EVA1A: variants seen among roughly 807,000 people sequenced by gnomAD.
EVA1A encodes the protein eva-1 homolog A, regulator of programmed cell death, also known as protein eva-1 homolog A.
Under a neutral mutation model 9.8 loss-of-function variants are expected in EVA1A, and 7 were observed. That is an observed-to-expected ratio of 0.71 (90% CI 0.41 to 1.34). The LOEUF (loss-of-function observed/expected upper bound fraction) is 1.34. EVA1A is among the 40% of genes most tolerant of loss of function. EVA1A has a pLI of 0.01. For synonymous variants in EVA1A, 90 were observed against 85.6 expected (o/e 1.05, Z -0.28); for missense variants, 206 against 205.9 (o/e 1.00, Z 0.00).
intron 1 of EVA1A, among the ~76,000 whole-genome samples, chr2:75,527,355 A>G (rs1479637141): frequency 1.3e-5 from 2 of 152,188 alleles, no homozygotes; most frequent in East Asian, 3.9e-4. Flanking sequence ...CCCTGGCAAT[A>G]TCAGTAAGGA....
Position 75,518,204 on chromosome 2 carries a change from C to T in EVA1A, c.-64G>A. The T allele has an allele frequency of 1.3e-6, 2 of 1,592,910 alleles. No individual in the cohort carries two copies. Among genetic ancestry groups the T allele is most frequent in the Non-Finnish European group, 8.5e-7 (1 of 1,171,524 alleles). On this transcript the variant is annotated 5_prime_UTR_variant, in exon 3 of 4. Transcript: ENST00000393913. ...AATCAACGTGGCCACTCTCCTTCTT[C>T]TCTTCTGTTTGGGAACATAAAGTGA...
rs781234792 is a variant in EVA1A at position 75,518,123 on chromosome 2, G to C, written c.18C>G (p.Ser6Arg). 3 of 1,613,992 alleles carry C rather than the reference G, an allele frequency of 1.9e-6. No homozygotes were observed. The East Asian group carries it at 6.7e-5, about 36-fold the overall frequency. MRLPL[S>R]HSPEHVEMAL... The stretch of plus-strand genomic sequence containing the variant: ...CCATCTCCACGTGCTCTGGGCTGTG[G>C]CTGAGGGGCAGCCTCATGGGACATC... The change falls in exon 3 of 4, where the codon AGC becomes AGG. Residue 6 changes from serine (S) to arginine (R), a missense_variant. By Grantham distance (110) the Ser-to-Arg change is moderately radical. Coordinates refer to ENST00000393913, the MANE Select transcript of EVA1A (RefSeq NM_001135032.2).
intron 1 of EVA1A, among the ~76,000 whole-genome samples, chr2:75,554,085 G>C (rs1341376472): frequency 6.6e-6 from 1 of 152,178 alleles, no homozygotes; most frequent in African/African-American, 2.4e-5. Context: ...GGTGCCCAGA[G>C]AAAGACAGCT....
At chr2:75,542,014 T>C (rs1439963979) in intron 1 of EVA1A, 1 of 152,202 alleles carries the variant, frequency 6.6e-6, no homozygotes, top group East Asian at 1.9e-4. Context: ...TGGTGGGAGA[T>C]GATTGAATCA....
chr2:75,493,755 A>G, intron 3 of EVA1A, 146 bp from the exon 4 acceptor site: 1 of 690,410 alleles, frequency 1.4e-6, no homozygotes, highest in Non-Finnish European at 2.2e-6. Flanking sequence ...ATATTTTATA[A>G]TGTATTCAAA....
At chr2:75,568,427 T>C (rs372929135) in intron 1 of EVA1A, among the ~76,000 whole-genome samples, 2 of 151,448 alleles carry the variant, frequency 1.3e-5, no homozygotes, top group East Asian at 3.9e-4. Context: ...ACCTTCAAGA[T>C]TCTGGACCCA....
intron 1 of EVA1A, among the ~76,000 whole-genome samples, chr2:75,535,295 C>CA (rs3081156): frequency 0.1 from 9,358 of 92,424 alleles, 489 homozygotes; most frequent in Middle Eastern, 0.22. Flanking sequence ...ATAGATATGG[C>CA]AAAAAAAAAA....
At chr2:75,505,301 G>C (rs1674576046) in intron 3 of EVA1A, among the ~76,000 whole-genome samples, 1 of 152,158 alleles carries the variant, frequency 6.6e-6, no homozygotes, top group Admixed American at 6.5e-5. Context: ...GCTATAATTA[G>C]TTATATAACC....
At chr2:75,508,153 T>C (rs546898442) in intron 3 of EVA1A, among the ~76,000 whole-genome samples, 9 of 152,302 alleles carry the variant, frequency 5.9e-5, no homozygotes, top group African/African-American at 1.9e-4. Context: ...AATAATTGCA[T>C]TAACTGCACA....
chr2:75,541,835 T>G (rs1676136500), intron 1 of EVA1A: 1 of 152,400 alleles, frequency 6.6e-6, no homozygotes, highest in Admixed American at 6.5e-5. Flanking sequence ...CTACCTCCTA[T>G]CCTTTCTAAC....
At chr2:75,533,245 C>A (rs1198264214) in intron 1 of EVA1A, among the ~76,000 whole-genome samples, 1 of 151,482 alleles carries the variant, frequency 6.6e-6, no homozygotes, top group Non-Finnish European at 1.5e-5. Flanking sequence ...GGCGTCCTAG[C>A]TATAGGGAAA....
At chr2:75,548,746 C>G (rs931260689) in intron 1 of EVA1A, among the ~76,000 whole-genome samples, 12 of 151,994 alleles carry the variant, frequency 7.9e-5, no homozygotes, top group African/African-American at 2.9e-4. Context: ...ACCTAAACCT[C>G]TCTCATTCCC....
In EVA1A at chr2:75,549,004, ATATATTTTT is replaced by A. The variant is rs1302899913; in HGVS notation, c.-192+11667_-192+11675del. ...GAAAAATATATATATATATATATAT[ATATATTTTT>A]TTTTTTTTTACTAATAAATCAAATA... On this transcript the variant is annotated intron_variant, in intron 1 of 3. Transcript: ENST00000393913. 1.5e-4 allele frequency among the ~76,000 whole-genome samples: 15 copies of A among 100,606 alleles called. No individual in the cohort carries two copies. In the South Asian group the frequency reaches 2.4e-3, roughly 16 times the overall value. The allele number at this position is 100,606 out of a possible 152,430, so 66.0% of individuals were successfully genotyped here.
upstream of EVA1A, among the ~76,000 whole-genome samples, chr2:75,565,015 G>T (rs1676999350): frequency 6.6e-6 from 1 of 152,190 alleles, no homozygotes; most frequent in Admixed American, 6.5e-5. Flanking sequence ...AGCTGCCAAA[G>T]GCACCACAAG....
rs73938926 is a variant in EVA1A at position 75,514,976 on chromosome 2, T to C, written c.85+3080A>G. On this transcript the variant is annotated intron_variant, in intron 3 of 3. Coordinates refer to ENST00000393913, the MANE Select transcript of EVA1A (RefSeq NM_001135032.2). ...GACTTTCTCCAAGACCAAAATTACA[T>C]ACTTAATCAGTCAAGTCTTTGAGAA... 9.2e-3 allele frequency among the ~76,000 whole-genome samples: 1,405 copies of C among 152,328 alleles called. 21 individuals carry two copies. The highest frequency in any genetic ancestry group is 0.032 in the African/African-American group (1,339 of 41,570).
chr2:75,518,631 T>C, intron 2 of EVA1A: 3 of 987,362 alleles, frequency 3.0e-6, no homozygotes, highest in Non-Finnish European at 3.6e-6. Context: ...AGTAAACAAT[T>C]CCCCCTTACC....
chr2:75,537,649 A>C (rs1675963625), intron 1 of EVA1A, among the ~76,000 whole-genome samples: 1 of 152,216 alleles, frequency 6.6e-6, no homozygotes. Context: ...CCAATGTTGC[A>C]GGTGGGACCT....
rs144040359 is a variant in EVA1A at position 75,511,093 on chromosome 2, G to A, written c.85+6963C>T. ...TCCTGACCTCTGATCTAGAGAAGCA[G>A]AAATTAAATAGCACTTAGATATCGT... On this transcript the variant is annotated intron_variant, in intron 3 of 3. Coordinates refer to ENST00000393913, the MANE Select transcript of EVA1A (RefSeq NM_001135032.2). Among the ~76,000 whole-genome samples the A allele has an allele frequency of 4.0e-3, 602 of 152,306 alleles. 3 individuals are homozygous for A. Among genetic ancestry groups the A allele is most frequent in the African/African-American group, 0.013 (552 of 41,576 alleles).
In EVA1A at chr2:75,499,825, A is replaced by G. The variant is rs527802457; in HGVS notation, c.86-6216T>C. On this transcript the variant is annotated intron_variant, in intron 3 of 3. Coordinates refer to ENST00000393913, the MANE Select transcript of EVA1A (RefSeq NM_001135032.2). ...ATGCCTAAGTCCCTGTTGGTCTAAAAGGGCCTGAGTTTCATCTCACTGCTC... is the reference window on the plus strand; with the variant it reads ...ATGCCTAAGTCCCTGTTGGTCTAAAGGGGCCTGAGTTTCATCTCACTGCTC... Among the ~76,000 whole-genome samples, 12 of 152,306 alleles carry G rather than the reference A, an allele frequency of 7.9e-5. No homozygotes were observed. In the South Asian group the frequency reaches 1.2e-3, roughly 16 times the overall value.
Sources: gnomAD v4.1 joint callset for allele counts (sites outside exome capture counted in the v4.1 genomes callset) on GRCh38, gnomAD v4.1.1 for gene constraint, MANE v1.5 for transcripts, NCBI Gene and HGNC (gene_info 2026-07-23, HGNC 2026-07-21) for gene names.